GPC5: variants seen among roughly 807,000 people sequenced by gnomAD.
GPC5 encodes glypican-5.
Under a neutral mutation model 53.9 loss-of-function variants are expected in GPC5, and 47 were observed. The observed-to-expected ratio is 0.87, with a 90% CI of 0.69 to 1.11. The LOEUF (loss-of-function observed/expected upper bound fraction) is 1.11, where lower values mean the gene tolerates loss of function less well. Ranked by LOEUF, GPC5 falls within the 50% of genes most tolerant of loss-of-function variation. The probability of loss-of-function intolerance (pLI) is 0.00; values close to 1 mark genes in which losing one functional copy is unlikely to be tolerated. For synonymous variants in GPC5, 286 were observed against 263.3 expected (o/e 1.09, Z -0.84); for missense variants, 748 against 713.1 (o/e 1.05, Z -0.56).
At chr13:91,565,686 A>T (rs2031496134) in intron 2 of GPC5, among the ~76,000 whole-genome samples, 1 of 152,254 alleles carries the variant, frequency 6.6e-6, no homozygotes, top group Non-Finnish European at 1.5e-5. Context: ...ACTATTAGTT[A>T]TATTATTAAT....
chr13:92,736,151 T>C (rs1161780328), intron 7 of GPC5, among the ~76,000 whole-genome samples: 3 of 151,974 alleles, frequency 2.0e-5, no homozygotes, highest in Non-Finnish European at 4.4e-5. Flanking sequence ...GTATTTTCAG[T>C]TGTTATGTCT....
intron 5 of GPC5, among the ~76,000 whole-genome samples, chr13:91,757,731 C>G (rs2037325903): frequency 6.6e-6 from 1 of 152,032 alleles, no homozygotes; most frequent in Non-Finnish European, 1.5e-5. Context: ...TATAAATCAC[C>G]CAGTCTTGGG....
chr13:91,874,315 G>A (rs1249811057), intron 5 of GPC5, among the ~76,000 whole-genome samples: 2 of 151,826 alleles, frequency 1.3e-5, no homozygotes, highest in African/African-American at 4.8e-5. Context: ...GATTTTACAC[G>A]GTTGAGGTAC....
chr13:92,128,444 G>C (rs1010240754), intron 6 of GPC5, among the ~76,000 whole-genome samples: 1 of 152,170 alleles, frequency 6.6e-6, no homozygotes, highest in African/African-American at 2.4e-5. Context: ...TGCTTCCTCA[G>C]AATATGTTGG....
At position 92,413,758 on chromosome 13, in the gene GPC5, G is replaced by A. The variant is rs141925194; in HGVS notation, c.1561+268769G>A. Among the ~76,000 whole-genome samples the A allele has an allele frequency of 2.7e-3, 414 of 152,262 alleles. 3 individuals carry two copies. Among genetic ancestry groups the A allele is most frequent in the African/African-American group, 9.5e-3 (394 of 41,562 alleles). On this transcript the variant is annotated intron_variant, in intron 7 of 7. Coordinates refer to ENST00000377067, the MANE Select transcript of GPC5 (RefSeq NM_004466.6). ...GCTGGGTCGAGGTAAAGGATATAAG[G>A]TACACATACCAAGGACCACGAAGGT... is the stretch of plus-strand genomic sequence containing the variant.
chr13:92,072,549 C>A (rs1285413291), intron 6 of GPC5, among the ~76,000 whole-genome samples: 1 of 144,310 alleles, frequency 6.9e-6, no homozygotes, highest in Non-Finnish European at 1.5e-5. Flanking sequence ...CAGGCGTGAG[C>A]CACTGTGCCT....
chr13:91,573,606 A>G, intron 2 of GPC5, among the ~76,000 whole-genome samples: 1 of 152,140 alleles, frequency 6.6e-6, no homozygotes, highest in Non-Finnish European at 1.5e-5. Context: ...TTACTCTCAA[A>G]TATTTGACCC....
chr13:91,989,060 T>G (rs1050634787), intron 6 of GPC5, among the ~76,000 whole-genome samples: 10 of 149,550 alleles, frequency 6.7e-5, no homozygotes, highest in African/African-American at 2.2e-4. Context: ...TGCAGTCAAG[T>G]CTCCTGTTTA....
intron 5 of GPC5, among the ~76,000 whole-genome samples, chr13:91,860,717 G>T (rs1268581883): frequency 1.3e-5 from 2 of 151,962 alleles, no homozygotes; most frequent in East Asian, 3.9e-4. Flanking sequence ...GACCAGGTTA[G>T]TCTTGAACTC....
chr13:92,198,760 A>C (rs1341115485), intron 7 of GPC5, among the ~76,000 whole-genome samples: 1 of 152,206 alleles, frequency 6.6e-6, no homozygotes, highest in African/African-American at 2.4e-5. Context: ...TAGCTATAAA[A>C]GGATCCCCAA....
chr13:92,220,278 C>G (rs1291334960), intron 7 of GPC5, among the ~76,000 whole-genome samples: 1 of 152,086 alleles, frequency 6.6e-6, no homozygotes, highest in Non-Finnish European at 1.5e-5. Flanking sequence ...AAATCCTGCC[C>G]TAAGGGGTTT....
intron 2 of GPC5, among the ~76,000 whole-genome samples, chr13:91,532,746 G>A (rs1287802628): frequency 2.0e-5 from 3 of 151,876 alleles, no homozygotes; most frequent in Admixed American, 6.6e-5. Context: ...CGCACCTGTG[G>A]TTCCAGCTAC....
At chr13:91,835,579 T>C (rs2038714253) in intron 5 of GPC5, among the ~76,000 whole-genome samples, 1 of 152,146 alleles carries the variant, frequency 6.6e-6, no homozygotes. Context: ...TTCATGTCCT[T>C]TGCAGGGACG....
At chr13:92,792,977 G>A (rs1876519830) in intron 7 of GPC5, among the ~76,000 whole-genome samples, 1 of 152,018 alleles carries the variant, frequency 6.6e-6, no homozygotes, top group Admixed American at 6.6e-5. Flanking sequence ...ACAGATGAAC[G>A]AGACAGAAGG....
At chr13:92,651,332 CT>C (rs1885951663) in intron 7 of GPC5, among the ~76,000 whole-genome samples, 1 of 151,922 alleles carries the variant, frequency 6.6e-6, no homozygotes, top group African/African-American at 2.4e-5. Context: ...AGTGATATGC[CT>C]TGTTGATAAT....
chr13:91,530,978 A>G lies in GPC5; in HGVS notation c.325+82056A>G, dbSNP rs372922623. On this transcript the variant is annotated intron_variant, in intron 2 of 7. Coordinates refer to ENST00000377067, the MANE Select transcript of GPC5 (RefSeq NM_004466.6). Reference sequence around the variant, plus strand: ...GATCTCTCAGAGATTCTGGTTTGGTAGATTCTACTTATTACAATTGCTCTT... The same window carrying G: ...GATCTCTCAGAGATTCTGGTTTGGTGGATTCTACTTATTACAATTGCTCTT... Among the ~76,000 whole-genome samples, 97 of 152,290 alleles carry G rather than the reference A, an allele frequency of 6.4e-4. 1 individual carries two copies. In the South Asian group the frequency reaches 0.019, roughly 31 times the overall value.
At chr13:92,354,076 C>T (rs2043502628) in intron 7 of GPC5, among the ~76,000 whole-genome samples, 1 of 152,132 alleles carries the variant, frequency 6.6e-6, no homozygotes, top group Non-Finnish European at 1.5e-5. Context: ...AGTCTTGTTA[C>T]CAACATTTTA....
At chr13:91,670,255 A>G (rs2035213631) in intron 2 of GPC5, among the ~76,000 whole-genome samples, 2 of 152,336 alleles carry the variant, frequency 1.3e-5, no homozygotes, top group African/African-American at 4.8e-5. Flanking sequence ...GAGTGAAGGT[A>G]CATAGCAGTG....
chr13:92,541,098 G>C (rs1317244190), intron 7 of GPC5, among the ~76,000 whole-genome samples: 1 of 151,720 alleles, frequency 6.6e-6, no homozygotes, highest in Non-Finnish European at 1.5e-5. Flanking sequence ...GTTTATGAAG[G>C]TTATGGCATA....
Sources: gnomAD v4.1 joint callset for allele counts (sites outside exome capture counted in the v4.1 genomes callset) on GRCh38, gnomAD v4.1.1 for gene constraint, MANE v1.5 for transcripts, NCBI Gene and HGNC (gene_info 2026-07-23, HGNC 2026-07-21) for gene names.